SETBP1: variants seen among roughly 807,000 people sequenced by gnomAD.
SETBP1 encodes the protein SET-binding protein.
Under a neutral mutation model 101.0 loss-of-function variants are expected in SETBP1, and 9 were observed. The ratio of observed to expected loss-of-function variants is 0.09; its 90% CI spans 0.05 to 0.16. SETBP1 has a LOEUF of 0.16. Among genes scored for constraint, SETBP1 ranks in the 10% least tolerant of loss-of-function variants. SETBP1 has a pLI of 1.00. For synonymous variants in SETBP1, 818 were observed against 788.5 expected, an observed-to-expected ratio of 1.04 and a Z score of -0.63; for missense variants, 1,858 against 2,033.8, an observed-to-expected ratio of 0.91 and a Z score of 1.66.
At chr18:44,700,553 C>T (rs754564864) in intron 1 of SETBP1, among the ~76,000 whole-genome samples, 1 of 152,096 alleles carries the variant, frequency 6.6e-6, no homozygotes, top group African/African-American at 2.4e-5. Flanking sequence ...TTTTTATTTT[C>T]TTTTTGTGTG....
intron 2 of SETBP1, among the ~76,000 whole-genome samples, chr18:44,821,518 C>A (rs2072113826): frequency 1.3e-5 from 2 of 152,200 alleles, no homozygotes; most frequent in Admixed American, 1.3e-4. Context: ...CACTACCTCA[C>A]CCATGGCTGG....
intron 4 of SETBP1, among the ~76,000 whole-genome samples, chr18:45,024,717 C>G (rs2073131963): frequency 6.6e-6 from 1 of 152,228 alleles, no homozygotes; most frequent in Non-Finnish European, 1.5e-5. Flanking sequence ...CCAAATCAGA[C>G]TTACTTTGGA....
At chr18:44,829,991 C>T (rs1373930843) in intron 2 of SETBP1, among the ~76,000 whole-genome samples, 1 of 152,162 alleles carries the variant, frequency 6.6e-6, no homozygotes, top group Non-Finnish European at 1.5e-5. Flanking sequence ...AGAGAACACA[C>T]TATGATATAA....
At chr18:44,838,738 A>C (rs1215880080) in intron 2 of SETBP1, among the ~76,000 whole-genome samples, 1 of 152,132 alleles carries the variant, frequency 6.6e-6, no homozygotes, top group Non-Finnish European at 1.5e-5. Flanking sequence ...TCTTTCTTGA[A>C]TGCACGTGAG....
At chr18:44,824,140 T>A (rs918290760) in intron 2 of SETBP1, among the ~76,000 whole-genome samples, 1 of 152,234 alleles carries the variant, frequency 6.6e-6, no homozygotes, top group South Asian at 2.1e-4. Context: ...CATATGCATC[T>A]GTGTTATGTG....
chr18:44,749,723 T>A (rs1379822142), intron 2 of SETBP1, among the ~76,000 whole-genome samples: 2 of 152,182 alleles, frequency 1.3e-5, no homozygotes, highest in Non-Finnish European at 2.9e-5. Flanking sequence ...TACAAGACAG[T>A]TTCAAAGAAG....
chr18:44,937,852 T>C (rs2083240693), intron 3 of SETBP1, among the ~76,000 whole-genome samples: 1 of 152,162 alleles, frequency 6.6e-6, no homozygotes, highest in Non-Finnish European at 1.5e-5. Context: ...TTGGTCTGGC[T>C]CTTTCCTCTA....
intron 5 of SETBP1, among the ~76,000 whole-genome samples, chr18:45,042,562 A>G (rs1221946266): frequency 6.6e-6 from 1 of 152,260 alleles, no homozygotes; most frequent in Non-Finnish European, 1.5e-5. Flanking sequence ...AAAGTACAAC[A>G]AAGGAACATT....
chr18:44,834,009 A>G (rs2072434819), intron 2 of SETBP1, among the ~76,000 whole-genome samples: 1 of 152,236 alleles, frequency 6.6e-6, no homozygotes, highest in Non-Finnish European at 1.5e-5. Context: ...AAAACTGAAA[A>G]GAAGGTTTGT....
chr18:44,834,302 A>G (rs1039543744), intron 2 of SETBP1, among the ~76,000 whole-genome samples: 11 of 152,194 alleles, frequency 7.2e-5, no homozygotes, highest in Non-Finnish European at 1.5e-4. Context: ...GCATAGAGAG[A>G]GTACTAATGA....
intron 2 of SETBP1, among the ~76,000 whole-genome samples, chr18:44,842,487 G>A (rs1364059056): frequency 5.9e-5 from 9 of 152,180 alleles, no homozygotes; most frequent in Non-Finnish European, 1.3e-4. Flanking sequence ...ACAAGGTGGA[G>A]CAGGTGACTA....
chr18:45,010,856 T>G (rs1299807399), intron 4 of SETBP1, among the ~76,000 whole-genome samples: 1 of 152,200 alleles, frequency 6.6e-6, no homozygotes, highest in African/African-American at 2.4e-5. Flanking sequence ...ATTAAGTAAT[T>G]TCTCGAGGTC....
At chr18:44,755,859 G>A (rs1333277640) in intron 2 of SETBP1, among the ~76,000 whole-genome samples, 1 of 152,038 alleles carries the variant, frequency 6.6e-6, no homozygotes, top group Non-Finnish European at 1.5e-5. Flanking sequence ...GTTAAACAGG[G>A]TACTCACTCT....
chr18:44,773,987 A>G (rs2070938723), intron 2 of SETBP1, among the ~76,000 whole-genome samples: 1 of 152,118 alleles, frequency 6.6e-6, no homozygotes, highest in Non-Finnish European at 1.5e-5. Flanking sequence ...AACCACTTAT[A>G]GGTGCCTGGG....
intron 3 of SETBP1, among the ~76,000 whole-genome samples, chr18:44,948,121 G>A (rs2071251551): frequency 6.6e-6 from 1 of 152,168 alleles, no homozygotes; most frequent in Non-Finnish European, 1.5e-5. Flanking sequence ...CAAGTGGTCG[G>A]ATTAATTCTC....
intron 3 of SETBP1, among the ~76,000 whole-genome samples, chr18:44,878,894 C>T (rs986444328): frequency 6.6e-6 from 1 of 152,204 alleles, no homozygotes; most frequent in African/African-American, 2.4e-5. Flanking sequence ...TTTTTGCAGA[C>T]ATCTGCTTGC....
chr18:45,017,811 G>A (rs761175018), intron 4 of SETBP1, among the ~76,000 whole-genome samples: 7 of 152,222 alleles, frequency 4.6e-5, no homozygotes, highest in African/African-American at 9.6e-5. Flanking sequence ...ACCACACTGC[G>A]TCCCTACCTC....
intron 4 of SETBP1, chr18:44,987,022 C>T (rs2072256486): frequency 6.6e-6 from 1 of 152,108 alleles, no homozygotes. Flanking sequence ...CGTACCTAGT[C>T]CTATGTGCTA....
chr18:45,026,847 C>G (rs1044791676), intron 4 of SETBP1, among the ~76,000 whole-genome samples: 2 of 152,074 alleles, frequency 1.3e-5, no homozygotes, highest in Non-Finnish European at 2.9e-5. Context: ...TGTGCGTGTA[C>G]AAACCAACTT....
Sources: gnomAD v4.1 joint callset for allele counts (sites outside exome capture counted in the v4.1 genomes callset) on GRCh38, gnomAD v4.1.1 for gene constraint, MANE v1.5 for transcripts, NCBI Gene and HGNC (gene_info 2026-07-23, HGNC 2026-07-21) for gene names.